ANO4: variants seen among roughly 807,000 people sequenced by gnomAD.
ANO4 encodes the protein anoctamin-4.
Under a neutral mutation model 141.9 loss-of-function variants are expected in ANO4, and 69 were observed. The ratio of observed to expected loss-of-function variants is 0.49; its 90% CI spans 0.40 to 0.59. The LOEUF is 0.59. ANO4 is among the 20% of genes least tolerant of loss of function. The probability of loss-of-function intolerance (pLI) is 0.00; values close to 1 mark genes in which losing one functional copy is unlikely to be tolerated. For synonymous variants in ANO4, 350 were observed against 394.3 expected, an observed-to-expected ratio of 0.89 and a Z score of 1.33; for missense variants, 894 against 1,162.2, an observed-to-expected ratio of 0.77 and a Z score of 3.36.
chr12:100,792,457 C>T (rs945498739), upstream of ANO4, among the ~76,000 whole-genome samples: 2 of 152,150 alleles, frequency 1.3e-5, no homozygotes, highest in Admixed American at 6.5e-5. Context: ...CACCAGTGAA[C>T]AAGACACAAT....
At chr12:100,750,353 A>G (rs554188801) in intron 3 of ANO4, among the ~76,000 whole-genome samples, 9 of 146,796 alleles carry the variant, frequency 6.1e-5, no homozygotes, top group Non-Finnish European at 1.0e-4. Flanking sequence ...CATGTTGGCC[A>G]GGCTAGTCTT....
At chr12:100,850,663 T>G (rs987789044) in intron 1 of ANO4, among the ~76,000 whole-genome samples, 7 of 152,188 alleles carry the variant, frequency 4.6e-5, no homozygotes, top group African/African-American at 1.7e-4. Context: ...AGTCATTTTT[T>G]TCTGGGATTT....
intron 3 of ANO4, among the ~76,000 whole-genome samples, chr12:100,925,821 A>ATACATACG (rs2041846454): frequency 6.9e-6 from 1 of 145,614 alleles, no homozygotes; most frequent in Non-Finnish European, 1.5e-5. Context: ...ATATACATAC[A>ATACATACG]TACATATATA....
At position 101,004,274 on chromosome 12, in the gene ANO4, G is replaced by A. The variant is rs534225108; in HGVS notation, c.735-15760G>A. ...GCAAAATGAAGAGGTTGGGGTTATC[G>A]GAACCAAGATGCTCAGAGAGGCCCT... On this transcript the variant is annotated intron_variant, in intron 8 of 27. Coordinates refer to ENST00000392977, the MANE Select transcript of ANO4 (RefSeq NM_001286615.2). Among the ~76,000 whole-genome samples, 116 of 152,104 alleles carry A rather than the reference G, an allele frequency of 7.6e-4. 1 individual carries two copies. Among genetic ancestry groups the A allele is most frequent in the African/African-American group, 2.6e-3 (110 of 41,520 alleles).
At chr12:100,904,111 T>C (rs1479573825) in intron 2 of ANO4, among the ~76,000 whole-genome samples, 1 of 152,176 alleles carries the variant, frequency 6.6e-6, no homozygotes, top group East Asian at 1.9e-4. Context: ...ATCTTTGTAC[T>C]CCCAATAAAT....
chr12:100,922,519 A>G (rs2136106094), intron 3 of ANO4, among the ~76,000 whole-genome samples, 189 bp downstream of exon 3: 1 of 152,276 alleles, frequency 6.6e-6, no homozygotes, highest in Non-Finnish European at 1.5e-5. Context: ...AATTTGTGAG[A>G]TTAAATCACA....
chr12:100,764,974 C>G (rs1027888200), intron 3 of ANO4, among the ~76,000 whole-genome samples: 2 of 152,120 alleles, frequency 1.3e-5, no homozygotes, highest in African/African-American at 4.8e-5. Flanking sequence ...ATGCTGGCCT[C>G]ATAAAATGAG....
At chr12:101,126,710 G>A (rs548279177) in intron 26 of ANO4, among the ~76,000 whole-genome samples, 169 bp from the exon 27 acceptor site, 2 of 152,182 alleles carry the variant, frequency 1.3e-5, no homozygotes, top group African/African-American at 4.8e-5. Flanking sequence ...GGTGCCATCA[G>A]ACCAGTTCAG....
intron 4 of ANO4, among the ~76,000 whole-genome samples, chr12:100,940,441 T>C (rs2042464038): frequency 6.6e-6 from 1 of 152,196 alleles, no homozygotes; most frequent in Non-Finnish European, 1.5e-5. Flanking sequence ...ATGTCTTGGC[T>C]GAAGCCATTT....
At chr12:100,840,448 G>C (rs1422053333) in intron 1 of ANO4, among the ~76,000 whole-genome samples, 1 of 152,096 alleles carries the variant, frequency 6.6e-6, no homozygotes, top group Non-Finnish European at 1.5e-5. Flanking sequence ...GCCACTTTAC[G>C]GTTGGGGAAA....
At chr12:100,817,137 A>G (rs2035779555) in intron 1 of ANO4, among the ~76,000 whole-genome samples, 1 of 151,942 alleles carries the variant, frequency 6.6e-6, no homozygotes, top group South Asian at 2.1e-4. Context: ...TTAGGCATTT[A>G]TATAATTCCT....
Position 100,778,317 on chromosome 12 carries a change from T to C in ANO4, c.358+38212T>C, listed in dbSNP as rs576590540. ...ACCTTTTGTGACAAGTGGGGGTGAA[T>C]GTATGCTTGAATTTTTTCTGGGATC... On this transcript the variant is annotated intron_variant, in intron 3 of 29. Transcript: ENST00000644049. 2.3e-3 allele frequency among the ~76,000 whole-genome samples: 350 copies of C among 152,244 alleles called. 2 individuals are homozygous for C. The highest frequency in any genetic ancestry group is 3.9e-3 in the Non-Finnish European group (268 of 68,012).
chr12:100,930,134 C>T (rs894961562), intron 3 of ANO4, among the ~76,000 whole-genome samples: 1 of 152,156 alleles, frequency 6.6e-6, no homozygotes, highest in African/African-American at 2.4e-5. Flanking sequence ...TGTGGGTTGT[C>T]TCTTCACTTT....
chr12:100,748,918 C>T (rs1477788735), intron 3 of ANO4, among the ~76,000 whole-genome samples: 6 of 152,036 alleles, frequency 3.9e-5, no homozygotes, highest in South Asian at 4.2e-4. Flanking sequence ...ATAAATTTTC[C>T]GGTTTGGTTT....
chr12:100,955,119 G>T (rs1375091835), intron 5 of ANO4, among the ~76,000 whole-genome samples: 7 of 152,186 alleles, frequency 4.6e-5, no homozygotes, highest in Non-Finnish European at 1.0e-4. Context: ...ATTGTGCCAG[G>T]CACTGGAGAA....
chr12:101,087,207 G>A (rs1277398389), intron 17 of ANO4, among the ~76,000 whole-genome samples: 1 of 152,120 alleles, frequency 6.6e-6, no homozygotes, highest in Non-Finnish European at 1.5e-5. Flanking sequence ...ATCAATGATA[G>A]GAAGATAGAC....
At chr12:100,914,816 T>A (rs1033708750) in intron 2 of ANO4, among the ~76,000 whole-genome samples, 1 of 151,936 alleles carries the variant, frequency 6.6e-6, no homozygotes, top group Non-Finnish European at 1.5e-5. Flanking sequence ...CCTCCCTTCT[T>A]TTTTATTTTT....
chr12:101,125,982 C>T (rs1018949363), intron 26 of ANO4, among the ~76,000 whole-genome samples: 1 of 152,082 alleles, frequency 6.6e-6, no homozygotes, highest in Non-Finnish European at 1.5e-5. Flanking sequence ...TTCATTGTAC[C>T]TCTGGTAGAA....
chr12:101,068,642 T>G, intron 14 of ANO4: 1 of 1,349,190 alleles, frequency 7.4e-7, no homozygotes, highest in Non-Finnish European at 1.1e-6. Flanking sequence ...GTAGATGACT[T>G]CTTTGAGCAA....
Sources: allele counts gnomAD v4.1 joint callset (sites outside exome capture counted in the v4.1 genomes callset), GRCh38; gene constraint gnomAD v4.1.1; transcripts MANE v1.5; gene names NCBI Gene and HGNC (gene_info 2026-07-23, HGNC 2026-07-21).